Variants in MCPH1 observed in about 807,000 individuals in gnomAD.
MCPH1 encodes microcephalin.
A neutral mutation model predicts 84.5 loss-of-function variants in MCPH1; 104 were observed. That is an observed-to-expected ratio of 1.23 (90% confidence interval 1.05 to 1.45). The LOEUF is 1.45. MCPH1 is among the 40% of genes most tolerant of loss of function. The pLI is 0.00. For missense variants in MCPH1, 1,498 were observed against 1,005.7 expected (o/e 1.49, Z -6.62); for synonymous variants, 514 against 366.8 (o/e 1.40, Z -4.58).
At chr8:6,626,399 G>A (rs764546974) in intron 13 of MCPH1, 20 of 983,442 alleles carry the variant, frequency 2.0e-5, no homozygotes, top group Non-Finnish European at 2.4e-5. Flanking sequence ...AAACTGTATT[G>A]TACTTGGGCC....
chr8:6,572,401 A>G (rs1826733236), intron 12 of MCPH1, among the ~76,000 whole-genome samples: 1 of 152,200 alleles, frequency 6.6e-6, no homozygotes, highest in African/African-American at 2.4e-5. Context: ...AATACTCACT[A>G]GCTCCCTCTG....
intron 12 of MCPH1, among the ~76,000 whole-genome samples, chr8:6,541,976 C>G (rs1821662967): frequency 2.0e-5 from 3 of 149,824 alleles, no homozygotes; most frequent in Admixed American, 6.7e-5. Context: ...CCACTGCACT[C>G]CAGCCTGGGT....
At chr8:6,458,891 C>T (rs1424912593) in intron 9 of MCPH1, among the ~76,000 whole-genome samples, 1 of 152,162 alleles carries the variant, frequency 6.6e-6, no homozygotes, top group Non-Finnish European at 1.5e-5. Context: ...AGTGATCTGC[C>T]TTCCTTGGCC....
chr8:6,504,995 C>T (rs928970697), intron 12 of MCPH1, among the ~76,000 whole-genome samples: 1 of 151,542 alleles, frequency 6.6e-6, no homozygotes, highest in African/African-American at 2.4e-5. Context: ...CAGTATGATA[C>T]TCCTTATATT....
Position 6,611,835 on chromosome 8 carries a change from G to A in MCPH1, c.2215-9619G>A, listed in dbSNP as rs546344792. The stretch of plus-strand genomic sequence containing the variant: ...GGGTTTCACCGTGTTAGCCAGGATG[G>A]TCTCGGTCTCCTGACCTCGTGATCC... On this transcript the variant is annotated intron_variant, in intron 12 of 13. Coordinates refer to ENST00000344683, the MANE Select transcript of MCPH1 (RefSeq NM_024596.5). Among the ~76,000 whole-genome samples the A allele has an allele frequency of 1.9e-4, 29 of 152,138 alleles. No individual in the cohort carries two copies. The South Asian group carries it at 5.8e-3, about 31-fold the overall frequency.
At chr8:6,459,814 G>T (rs114069679) in intron 9 of MCPH1, among the ~76,000 whole-genome samples, 1 of 152,230 alleles carries the variant, frequency 6.6e-6, no homozygotes, top group Non-Finnish European at 1.5e-5. Flanking sequence ...GTCGATGAGA[G>T]CTGTCAGTCG....
chr8:6,425,813 G>A (rs904111797), intron 3 of MCPH1, among the ~76,000 whole-genome samples: 5 of 152,212 alleles, frequency 3.3e-5, no homozygotes, highest in African/African-American at 1.2e-4. Flanking sequence ...CACGGTTGGT[G>A]TGAGGCTTCT....
intron 12 of MCPH1, among the ~76,000 whole-genome samples, chr8:6,545,344 T>C (rs1428044701): frequency 6.6e-6 from 1 of 152,200 alleles, no homozygotes; most frequent in Non-Finnish European, 1.5e-5. Flanking sequence ...ATTTCCTGTG[T>C]TTTATATCTC....
rs929173062 is a variant in MCPH1, at chr8:6,646,492, G to A, written c.*3443G>A. On this transcript the variant is annotated 3_prime_UTR_variant, in exon 14 of 14. Coordinates refer to ENST00000344683, the MANE Select transcript of MCPH1 (RefSeq NM_024596.5). ...ATTGACTTTGAACAAAGGTGACGAG[G>A]CAAGTCAGTATAGCAGCATATTCTT... 3 of 152,182 alleles carry A rather than the reference G, an allele frequency of 2.0e-5. No homozygotes were observed. Among genetic ancestry groups the A allele is most frequent in the African/African-American group, 7.2e-5 (3 of 41,446 alleles). The allele number at this position is 152,182 out of a possible 1,614,324, so 9.4% of individuals were successfully genotyped here.
At chr8:6,505,047 T>C (rs1186823728) in intron 12 of MCPH1, among the ~76,000 whole-genome samples, 1 of 151,376 alleles carries the variant, frequency 6.6e-6, no homozygotes, top group Non-Finnish European at 1.5e-5. Context: ...GATATCTCCA[T>C]ATGTAGGAAA....
At chr8:6,436,619 A>T (rs1214543214) in intron 5 of MCPH1, among the ~76,000 whole-genome samples, 3 of 151,514 alleles carry the variant, frequency 2.0e-5, no homozygotes, top group African/African-American at 7.3e-5. Context: ...AAGATGTCTT[A>T]GAAAAAAATA....
intron 12 of MCPH1, among the ~76,000 whole-genome samples, chr8:6,506,042 T>TTA (rs964733010): frequency 4.1e-5 from 6 of 147,208 alleles, no homozygotes; most frequent in Admixed American, 2.7e-4. Context: ...TATATATTCT[T>TTA]TATATATATA....
At position 6,482,858 on chromosome 8, in the gene MCPH1, A is replaced by G. The variant is rs546936680; in HGVS notation, c.2136+1982A>G. ...AATAAACTTCTCACCTTTAGTCTAG[A>G]CTCCTTGCCTGGAGGGAAGAACCTG... On this transcript the variant is annotated intron_variant, in intron 11 of 13. Transcript: ENST00000344683. 2.6e-5 allele frequency among the ~76,000 whole-genome samples: 4 copies of G among 152,274 alleles called. No homozygotes were observed. The South Asian group carries it at 8.3e-4, about 32-fold the overall frequency.
At chr8:6,509,779 C>G (rs1344293673) in intron 12 of MCPH1, among the ~76,000 whole-genome samples, 1 of 152,174 alleles carries the variant, frequency 6.6e-6, no homozygotes, top group Non-Finnish European at 1.5e-5. Context: ...TAGCTTAGCT[C>G]TAGCCTTCCT....
intron 4 of MCPH1, among the ~76,000 whole-genome samples, chr8:6,435,847 G>A (rs923339400): frequency 1.3e-5 from 2 of 152,124 alleles, no homozygotes; most frequent in African/African-American, 4.8e-5. Context: ...CTTTTATACA[G>A]TCTTTTAAAT....
chr8:6,477,327 G>A lies in MCPH1; in HGVS notation c.1936-267G>A, dbSNP rs1268557947. 1.4e-5 allele frequency: 6 copies of A among 438,184 alleles called. No individual in the cohort carries two copies. In the East Asian group the frequency reaches 2.5e-4, roughly 18 times the overall value. The allele number at this position is 438,184 out of a possible 1,614,324, so 27.1% of individuals were successfully genotyped here. On this transcript the variant is annotated intron_variant, in intron 9 of 13. Transcript: ENST00000344683. ...TTGGAGGTCTGCTGGCTAACTGGTG[G>A]AACAGATTCCTGGGGGAAATTTTTT...
intron 5 of MCPH1, among the ~76,000 whole-genome samples, chr8:6,438,458 C>G (rs1402444832): frequency 1.3e-5 from 2 of 152,120 alleles, no homozygotes; most frequent in African/African-American, 4.8e-5. Context: ...TGCACCCACA[C>G]AAAACGAGCT....
rs940577727 is a variant in MCPH1 at position 6,617,285 on chromosome 8, T to TG, written c.2215-4169_2215-4168insG. On this transcript the variant is annotated intron_variant, in intron 12 of 13. Coordinates refer to ENST00000344683, the MANE Select transcript of MCPH1 (RefSeq NM_024596.5). Reference sequence around the variant, plus strand: ...GGGGGGGTGTTTTTTTTGTTTTTTTTTTTGTTTTTTTTGAGGTGGAATCTC... The same window carrying TG: ...GGGGGGGTGTTTTTTTTGTTTTTTTTGTTTGTTTTTTTTGAGGTGGAATCTC... The TG allele has an allele frequency of 4.7e-5, 7 of 150,188 alleles. 1 individual carries two copies. Among genetic ancestry groups the TG allele is most frequent in the African/African-American group, 1.7e-4 (7 of 40,406 alleles). 9.3% of individuals were successfully genotyped at this position (150,188 alleles called of 1,614,324 possible).
chr8:6,459,058 A>G (rs1033146472), intron 9 of MCPH1, among the ~76,000 whole-genome samples: 1 of 152,208 alleles, frequency 6.6e-6, no homozygotes, highest in African/African-American at 2.4e-5. Flanking sequence ...AGAAACACTA[A>G]AATTTAGTTT....
Sources: gnomAD v4.1 joint callset for allele counts (sites outside exome capture counted in the v4.1 genomes callset) on GRCh38, gnomAD v4.1.1 for gene constraint, MANE v1.5 for transcripts, NCBI Gene and HGNC (gene_info 2026-07-23, HGNC 2026-07-21) for gene names.